CTNNA2: variants seen among roughly 807,000 people sequenced by gnomAD.
The protein encoded by CTNNA2 is catenin alpha 2.
CTNNA2 carries 42 observed loss-of-function variants against 101.0 expected under a neutral mutation model. The observed-to-expected ratio is 0.42, with a 90% confidence interval of 0.32 to 0.54. The LOEUF is 0.54. Among genes scored for constraint, CTNNA2 ranks in the 20% least tolerant of loss-of-function variants. The probability of loss-of-function intolerance (pLI) is 0.14; values close to 1 mark genes in which losing one functional copy is unlikely to be tolerated. For missense variants in CTNNA2, 871 were observed against 1,223.1 expected (o/e 0.71, Z 4.29); for synonymous variants, 450 against 456.4 (o/e 0.99, Z 0.18).
At chr2:80,193,934 G>A (rs897887466) in intron 7 of CTNNA2, among the ~76,000 whole-genome samples, 4 of 152,130 alleles carry the variant, frequency 2.6e-5, no homozygotes, top group Admixed American at 1.3e-4. Context: ...AAATCAAAAG[G>A]TGTGGTGGGG....
chr2:79,809,559 A>T (rs1676845024), intron 3 of CTNNA2, among the ~76,000 whole-genome samples: 1 of 152,008 alleles, frequency 6.6e-6, no homozygotes, highest in African/African-American at 2.4e-5. Context: ...GCTTTTTTTC[A>T]TATGTTTCTT....
intron 7 of CTNNA2, among the ~76,000 whole-genome samples, chr2:79,921,943 T>G (rs1394076534): frequency 1.3e-5 from 2 of 152,208 alleles, no homozygotes; most frequent in East Asian, 3.9e-4. Context: ...GGTTCCTGCC[T>G]TGGTCCTAAA....
At chr2:80,067,206 A>G (rs1698043484) in intron 7 of CTNNA2, among the ~76,000 whole-genome samples, 1 of 152,244 alleles carries the variant, frequency 6.6e-6, no homozygotes, top group African/African-American at 2.4e-5. Context: ...GAAAATTGCT[A>G]AGAAAGTAGA....
intron 7 of CTNNA2, among the ~76,000 whole-genome samples, chr2:80,035,274 A>C (rs905226529): frequency 6.6e-6 from 1 of 152,216 alleles, no homozygotes; most frequent in African/African-American, 2.4e-5. Flanking sequence ...CACCGCTTAC[A>C]TCTGGGTAAA....
At chr2:80,106,767 G>T (rs548385668) in intron 7 of CTNNA2, among the ~76,000 whole-genome samples, 4 of 152,190 alleles carry the variant, frequency 2.6e-5, no homozygotes, top group African/African-American at 9.6e-5. Context: ...TGCTGCTGAG[G>T]CTCTCCAGGA....
At chr2:79,468,094 A>T (rs1670958797) in intron 4 of CTNNA2, among the ~76,000 whole-genome samples, 1 of 152,206 alleles carries the variant, frequency 6.6e-6, no homozygotes, top group Non-Finnish European at 1.5e-5. Flanking sequence ...AAATTAGATA[A>T]AGAGTCAAGA....
intron 4 of CTNNA2, among the ~76,000 whole-genome samples, chr2:79,488,318 C>CAAAA (rs61641596): frequency 4.0e-4 from 40 of 99,866 alleles, no homozygotes; most frequent in South Asian, 4.8e-4. Flanking sequence ...AACTCCATCT[C>CAAAA]AAAAAAAAAA....
intron 7 of CTNNA2, among the ~76,000 whole-genome samples, chr2:79,964,074 C>T (rs950297236): frequency 7.1e-5 from 9 of 127,228 alleles, no homozygotes; most frequent in Non-Finnish European, 1.1e-4. Flanking sequence ...TAAGACCACA[C>T]ATTCTGCAGA....
intron 2 of CTNNA2, among the ~76,000 whole-genome samples, chr2:79,256,129 T>C (rs1158408650): frequency 1.2e-4 from 18 of 152,182 alleles, no homozygotes; most frequent in Admixed American, 1.2e-3. Context: ...AGTACTATTA[T>C]TAGTTGGTGC....
chr2:79,225,339 G>C (rs1289240500), intron 2 of CTNNA2, among the ~76,000 whole-genome samples: 1 of 152,104 alleles, frequency 6.6e-6, no homozygotes, highest in Non-Finnish European at 1.5e-5. Flanking sequence ...TATGTATACA[G>C]TAGTATCTGG....
At chr2:79,548,034 T>C (rs891407767) in intron 1 of CTNNA2, 1 of 152,232 alleles carries the variant, frequency 6.6e-6, no homozygotes, top group Non-Finnish European at 1.5e-5. Context: ...CCAAGGGATG[T>C]ACTATAAGTA....
chr2:79,717,171 G>A (rs1686163525), intron 2 of CTNNA2, among the ~76,000 whole-genome samples: 1 of 152,114 alleles, frequency 6.6e-6, no homozygotes, highest in Non-Finnish European at 1.5e-5. Flanking sequence ...AAGACTTTTG[G>A]CACTATTTAA....
rs888517629 is a variant in CTNNA2, at chr2:79,285,993, C to G, written c.-405-26716C>G. Among the ~76,000 whole-genome samples the G allele has an allele frequency of 3.5e-4, 53 of 150,002 alleles. 2 individuals are homozygous for G. Among genetic ancestry groups the G allele is most frequent in the African/African-American group, 1.3e-3 (50 of 39,424 alleles). ...TTAGCTCTTCTTGTTGAATTCATCC[C>G]TTTACCATTATGTAATGGCCTTCTT... On this transcript the variant is annotated intron_variant, in intron 2 of 21. Transcript: ENST00000466387.
chr2:80,388,562 G>A (rs1051911089), intron 7 of CTNNA2, among the ~76,000 whole-genome samples: 2 of 152,100 alleles, frequency 1.3e-5, no homozygotes, highest in Non-Finnish European at 2.9e-5. Context: ...ATTCATCCTT[G>A]GCCCTTTCAT....
intron 7 of CTNNA2, among the ~76,000 whole-genome samples, chr2:80,365,205 C>T (rs1674805325): frequency 6.6e-6 from 1 of 152,058 alleles, no homozygotes; most frequent in Admixed American, 6.6e-5. Context: ...AAAACCTGTG[C>T]AATTCCAATC....
intron 3 of CTNNA2, among the ~76,000 whole-genome samples, chr2:79,353,530 T>C (rs1677438882): frequency 6.6e-6 from 1 of 152,190 alleles, no homozygotes; most frequent in Non-Finnish European, 1.5e-5. Context: ...AAGATCTTTC[T>C]CTGTTCCTTT....
chr2:79,742,494 AG>A (rs1671357115), intron 2 of CTNNA2, among the ~76,000 whole-genome samples: 1 of 152,196 alleles, frequency 6.6e-6, no homozygotes, highest in Non-Finnish European at 1.5e-5. Flanking sequence ...GTGTTTGCTT[AG>A]GGGACTTATG....
Position 80,363,370 on chromosome 2 carries a change from T to G in CTNNA2, c.1057-29841T>G, listed in dbSNP as rs749790467. ...ACTAAAAATAGCTCCATGGTAATGC[T>G]AAGTATAAGAATTAAATTGAAGATT... On this transcript the variant is annotated intron_variant, in intron 7 of 18. Transcript: ENST00000402739. Among the ~76,000 whole-genome samples, 11 of 152,254 alleles carry G rather than the reference T, an allele frequency of 7.2e-5. 1 individual carries two copies. Among genetic ancestry groups the G allele is most frequent in the Non-Finnish European group, 1.0e-4 (7 of 68,018 alleles).
chr2:79,987,309 T>G (rs1691835434), intron 7 of CTNNA2, among the ~76,000 whole-genome samples: 1 of 152,202 alleles, frequency 6.6e-6, no homozygotes, highest in Non-Finnish European at 1.5e-5. Context: ...TTCCTTTATC[T>G]CCAGCTTGCT....
Sources: gnomAD v4.1 joint callset for allele counts (sites outside exome capture counted in the v4.1 genomes callset) on GRCh38, gnomAD v4.1.1 for gene constraint, MANE v1.5 for transcripts, NCBI Gene and HGNC (gene_info 2026-07-23, HGNC 2026-07-21) for gene names.